OTOGL: variants seen among roughly 807,000 people sequenced by gnomAD.
OTOGL encodes the protein otogelin like.
OTOGL carries 285 observed loss-of-function variants against 318.5 expected under a neutral mutation model. The ratio of observed to expected loss-of-function variants is 0.89; its 90% CI spans 0.81 to 0.99. The LOEUF is 0.99. Ranked by LOEUF, OTOGL falls within the 50% of genes least tolerant of loss-of-function variation. OTOGL has a pLI of 0.00. For missense variants in OTOGL, 2,899 were observed against 2,845.6 expected (o/e 1.02, Z -0.43); for synonymous variants, 987 against 936.5 (o/e 1.05, Z -0.99).
At chr12:80,118,274 GA>G (rs1381114811) in intron 1 of OTOGL, among the ~76,000 whole-genome samples, 1 of 152,184 alleles carries the variant, frequency 6.6e-6, no homozygotes, top group Non-Finnish European at 1.5e-5. Context: ...TGAGCTCTTT[GA>G]TCATACAAAT....
At chr12:80,124,080 G>A (rs1276722494) in intron 1 of OTOGL, among the ~76,000 whole-genome samples, 2 of 152,206 alleles carry the variant, frequency 1.3e-5, no homozygotes, top group Non-Finnish European at 2.9e-5. Flanking sequence ...TATTGCCATC[G>A]CTTTTGGTGT....
chr12:80,139,229 C>T (rs971301200), intron 1 of OTOGL, among the ~76,000 whole-genome samples: 1 of 152,094 alleles, frequency 6.6e-6, no homozygotes, highest in African/African-American at 2.4e-5. Flanking sequence ...TGCATTTCTG[C>T]GGTAGGATCT....
At position 80,190,786 on chromosome 12, in the gene OTOGL, C is replaced by CAA. The variant is rs55950528; in HGVS notation, c.-19-18598_-19-18597dup. 3.0e-3 allele frequency among the ~76,000 whole-genome samples: 222 copies of CAA among 73,630 alleles called. 3 individuals carry two copies. Among genetic ancestry groups the CAA allele is most frequent in the African/African-American group, 4.8e-3 (61 of 12,750 alleles). 48.3% of individuals were successfully genotyped at this position (73,630 alleles called of 152,430 possible). On this transcript the variant is annotated intron_variant, in intron 1 of 58. Coordinates refer to ENST00000547103, the MANE Select transcript of OTOGL (RefSeq NM_001378609.3). ...TGGGCGAAAGAGTGAGACTCCGTCTCAAAAAAAAAAAAAAAAAAAAAAAAA... is the reference window on the plus strand; with the variant it reads ...TGGGCGAAAGAGTGAGACTCCGTCTCAAAAAAAAAAAAAAAAAAAAAAAAAAA...
chr12:80,243,751 A>G (rs1333430817), intron 11 of OTOGL, among the ~76,000 whole-genome samples: 3 of 149,632 alleles, frequency 2.0e-5, no homozygotes, highest in East Asian at 1.9e-4. Flanking sequence ...CCCTTAGACT[A>G]TAGAATTATA....
chr12:80,163,179 A>G (rs1200732296), intron 1 of OTOGL, among the ~76,000 whole-genome samples: 1 of 152,132 alleles, frequency 6.6e-6, no homozygotes, highest in African/African-American at 2.4e-5. Flanking sequence ...TGCTGATGAT[A>G]GGGCATTGTC....
chr12:80,155,089 G>A (rs1190206972), intron 1 of OTOGL, among the ~76,000 whole-genome samples: 1 of 152,028 alleles, frequency 6.6e-6, no homozygotes. Context: ...TCTTTGGTGA[G>A]GTGTTCCTTA....
rs190058599 is a variant in OTOGL, at chr12:80,198,142, C to T, written c.-19-11271C>T. Among the ~76,000 whole-genome samples, 6 of 152,272 alleles carry T rather than the reference C, an allele frequency of 3.9e-5. No homozygotes were observed. In the East Asian group the frequency reaches 9.6e-4, roughly 24 times the overall value. On this transcript the variant is annotated intron_variant, in intron 1 of 58. Coordinates refer to ENST00000547103, the MANE Select transcript of OTOGL (RefSeq NM_001378609.3). The stretch of plus-strand genomic sequence containing the variant: ...ATTGATATACTTAAAATATTCTCCC[C>T]GTTACATATGCTTAACTTCTCTCAC...
At chr12:80,130,905 T>C (rs184257710) in intron 1 of OTOGL, 53 of 152,346 alleles carry the variant, frequency 3.5e-4, no homozygotes, top group African/African-American at 1.2e-3. Context: ...GCTCATATTC[T>C]ATCTGTATCA....
At chr12:80,123,268 G>A (rs933410385) in intron 1 of OTOGL, among the ~76,000 whole-genome samples, 2 of 151,926 alleles carry the variant, frequency 1.3e-5, no homozygotes, top group African/African-American at 4.8e-5. Context: ...CCACCTATGA[G>A]TGAGAACATG....
At chr12:80,149,525 G>A (rs1872632474) in intron 1 of OTOGL, among the ~76,000 whole-genome samples, 1 of 152,134 alleles carries the variant, frequency 6.6e-6, no homozygotes, top group Non-Finnish European at 1.5e-5. Context: ...CTTTTTGTTT[G>A]TCTGTGCCCT....
At chr12:80,129,125 C>T (rs149831908) in intron 1 of OTOGL, among the ~76,000 whole-genome samples, 2,871 of 152,244 alleles carry the variant, frequency 0.019, 81 homozygotes, top group African/African-American at 0.064. Flanking sequence ...TCGACTTCTG[C>T]GTCGCTCATG....
rs1322096009 is a variant in OTOGL at position 80,101,381 on chromosome 12, A to G, written c.-20+1776A>G. 4.6e-5 allele frequency among the ~76,000 whole-genome samples: 7 copies of G among 152,326 alleles called. No individual in the cohort carries two copies. The East Asian group carries it at 1.3e-3, about 29-fold the overall frequency. On this transcript the variant is annotated intron_variant, in intron 1 of 58. Transcript: ENST00000547103. The stretch of plus-strand genomic sequence containing the variant: ...AATATTTGAGTGTAAGAATTAAGGT[A>G]GTCACACACACTTCCTCATTCTCCT...
intron 1 of OTOGL, among the ~76,000 whole-genome samples, chr12:80,124,169 A>C (rs535458107): frequency 1.3e-5 from 2 of 152,230 alleles, no homozygotes; most frequent in East Asian, 1.9e-4. Context: ...TTATGGTTTT[A>C]TGTCTAACAT....
At chr12:80,284,121 A>T (rs1884438337) in intron 26 of OTOGL, among the ~76,000 whole-genome samples, 1 of 152,088 alleles carries the variant, frequency 6.6e-6, no homozygotes, top group Non-Finnish European at 1.5e-5. Context: ...GAGCGAGAAC[A>T]TGTGGTGTTT....
chr12:80,135,267 CCCCT>C (rs1871486246), intron 1 of OTOGL, among the ~76,000 whole-genome samples: 1 of 119,492 alleles, frequency 8.4e-6, no homozygotes, highest in African/African-American at 3.1e-5. Flanking sequence ...CCCCTCCCCT[CCCCT>C]CCCCTCCCCT....
At chr12:80,172,056 T>C (rs1874237498) in intron 1 of OTOGL, among the ~76,000 whole-genome samples, 1 of 152,186 alleles carries the variant, frequency 6.6e-6, no homozygotes, top group African/African-American at 2.4e-5. Flanking sequence ...TATATTTTAT[T>C]TTTATTTAGT....
At chr12:80,339,301 T>TTG (rs1309356234) in intron 43 of OTOGL, 37 bp downstream of exon 43, 13 of 768,104 alleles carry the variant, frequency 1.7e-5, no homozygotes, top group African/African-American at 2.7e-5. Context: ...TTCGTCTGTT[T>TTG]TTTTTTTTTT....
intron 1 of OTOGL, among the ~76,000 whole-genome samples, chr12:80,161,538 A>C (rs1261095331): frequency 1.3e-5 from 2 of 152,102 alleles, no homozygotes; most frequent in African/African-American, 2.4e-5. Flanking sequence ...TGGGCAAATA[A>C]AATTGAAATG....
intron 46 of OTOGL, among the ~76,000 whole-genome samples, chr12:80,353,785 A>C (rs1889708783): frequency 6.6e-6 from 1 of 152,184 alleles, no homozygotes; most frequent in South Asian, 2.1e-4. Context: ...TTATGGACTG[A>C]ACTCAAAATC....
Sources: gnomAD v4.1 joint callset for allele counts (sites outside exome capture counted in the v4.1 genomes callset) on GRCh38, gnomAD v4.1.1 for gene constraint, MANE v1.5 for transcripts, NCBI Gene and HGNC (gene_info 2026-07-23, HGNC 2026-07-21) for gene names.